Variants in ARHGAP5 observed in about 807,000 individuals in gnomAD.
ARHGAP5 encodes the protein rho GTPase-activating protein 5.
Under a neutral mutation model 116.6 loss-of-function variants are expected in ARHGAP5, and 23 were observed. The observed-to-expected ratio is 0.20, with a 90% confidence interval of 0.14 to 0.28. The LOEUF (loss-of-function observed/expected upper bound fraction) is 0.28, where lower values mean the gene tolerates loss of function less well. Ranked by LOEUF, ARHGAP5 falls within the 10% of genes least tolerant of loss-of-function variation. The probability of loss-of-function intolerance (pLI) is 1.00; values close to 1 mark genes in which losing one functional copy is unlikely to be tolerated. For synonymous variants in ARHGAP5, 574 were observed against 602.0 expected, an observed-to-expected ratio of 0.95 and a Z score of 0.68; for missense variants, 1,405 against 1,774.8, an observed-to-expected ratio of 0.79 and a Z score of 3.74.
chr14:32,091,565 A>G lies in ARHGAP5; in HGVS notation c.896A>G (p.Asn299Ser). The G allele has an allele frequency of 6.2e-7, 1 of 1,612,086 alleles. No homozygotes were observed. The highest frequency in any genetic ancestry group is 1.3e-5 in the African/African-American group (1 of 74,890). Reference protein sequence around the residue: ...TWKTVSNKLKNHPDYEEYINL... With the variant: ...TWKTVSNKLKSHPDYEEYINL... ...AAAACTGTTAGTAATAAATTAAAAA[A>G]TCATCCTGATTATGAAGAATACATC... Residue 299 changes from asparagine to serine, a missense_variant, in exon 2 of 7, where the codon AAT becomes AGT. By Grantham distance (46) the Asn-to-Ser change is conservative (BLOSUM62 1). Around this residue, in one of 6 missense-constraint regions of ARHGAP5, gnomAD observed 944 missense variants for 1,095.3 expected, o/e 0.86. Transcript: ENST00000345122.
rs368400628 is a variant in ARHGAP5, at chr14:32,122,822, A to G, written c.3865+5535A>G. On this transcript the variant is annotated intron_variant, in intron 3 of 6. Coordinates refer to ENST00000345122, the MANE Select transcript of ARHGAP5 (RefSeq NM_001030055.2). The stretch of plus-strand genomic sequence containing the variant: ...CAAAATCAGTTGACCATAAATGTGA[A>G]GGTTTATTTCTGGACTCATATTCTA... 5.8e-4 allele frequency among the ~76,000 whole-genome samples: 88 copies of G among 152,300 alleles called. 2 individuals are homozygous for G. The South Asian group carries it at 0.017, about 29-fold the overall frequency.
At chr14:32,080,743 G>A (rs2041763699) in intron 1 of ARHGAP5, among the ~76,000 whole-genome samples, 1 of 152,042 alleles carries the variant, frequency 6.6e-6, no homozygotes, top group Non-Finnish European at 1.5e-5. Flanking sequence ...TTGCAAGCAG[G>A]AGTTTAGATG....
intron 1 of ARHGAP5, among the ~76,000 whole-genome samples, chr14:32,086,587 C>T (rs1388000822): frequency 6.6e-6 from 1 of 150,714 alleles, no homozygotes; most frequent in Non-Finnish European, 1.5e-5. Context: ...AATTTAAAAG[C>T]ATAAAATATT....
At position 32,091,038 on chromosome 14, in the gene ARHGAP5, A is replaced by G; in HGVS notation, c.369A>G (p.Lys123=). ...QPYIKRAAAS[K]LQSAEKLMYI... ...ATATAAAACGTGCAGCTGCATCTAA[A>G]TTGCAGTCAGCAGAAAAACTAATGT... The change falls in exon 2 of 7, where the codon AAA becomes AAG. Residue 123 remains lysine, a synonymous_variant. Coordinates refer to ENST00000345122, the MANE Select transcript of ARHGAP5 (RefSeq NM_001030055.2). 6.2e-7 allele frequency: 1 copy of G among 1,613,678 alleles called. No homozygotes were observed. Among genetic ancestry groups the G allele is most frequent in the Non-Finnish European group, 8.5e-7 (1 of 1,179,676 alleles).
At chr14:32,153,296 C>G (rs2139154065) in intron 6 of ARHGAP5, among the ~76,000 whole-genome samples, 1 of 148,798 alleles carries the variant, frequency 6.7e-6, no homozygotes, top group Admixed American at 6.7e-5. Flanking sequence ...ATCCTAGCTA[C>G]TCAGGAGGCT....
intron 4 of ARHGAP5, among the ~76,000 whole-genome samples, chr14:32,147,852 C>T (rs535626648): frequency 1.0e-3 from 153 of 152,214 alleles, no homozygotes; most frequent in Non-Finnish European, 1.6e-3. Flanking sequence ...AGTCTAGTAT[C>T]CCATTTTTAA....
chr14:32,140,083 TTAGGTTATTTG>T (rs1881024711), intron 3 of ARHGAP5, among the ~76,000 whole-genome samples: 2 of 139,950 alleles, frequency 1.4e-5, no homozygotes, highest in African/African-American at 5.3e-5. Flanking sequence ...TTTTTTTTTT[TTAGGTTATTTG>T]TTCTTTTTTT....
intron 6 of ARHGAP5, chr14:32,154,295 CT>C (rs968597495): frequency 1.8e-5 from 4 of 217,128 alleles, no homozygotes; most frequent in African/African-American, 9.3e-5. Flanking sequence ...GAATTACAGG[CT>C]TTGTCACTAC....
At chr14:32,130,733 A>G (rs995591789) in intron 3 of ARHGAP5, among the ~76,000 whole-genome samples, 1 of 148,698 alleles carries the variant, frequency 6.7e-6, no homozygotes, top group Non-Finnish European at 1.5e-5. Context: ...GGATTTCACC[A>G]TATTGGCCAG....
chr14:32,124,828 T>C (rs1010391101), intron 3 of ARHGAP5, among the ~76,000 whole-genome samples: 11 of 152,156 alleles, frequency 7.2e-5, no homozygotes, highest in Admixed American at 6.5e-4. Context: ...TAGATATTAA[T>C]GTAAACTATA....
At chr14:32,116,626 G>T (rs1248101920) in intron 2 of ARHGAP5, among the ~76,000 whole-genome samples, 1 of 152,122 alleles carries the variant, frequency 6.6e-6, no homozygotes, top group East Asian at 1.9e-4. Flanking sequence ...AAAATAAAAA[G>T]CATCAGTAGG....
At chr14:32,147,407 T>C (rs1881427197) in intron 4 of ARHGAP5, among the ~76,000 whole-genome samples, 1 of 152,222 alleles carries the variant, frequency 6.6e-6, no homozygotes, top group African/African-American at 2.4e-5. Flanking sequence ...AAAATATGCT[T>C]AGCCTCTATT....
intron 3 of ARHGAP5, among the ~76,000 whole-genome samples, chr14:32,144,164 C>G (rs1272736482): frequency 6.6e-6 from 1 of 151,968 alleles, no homozygotes; most frequent in African/African-American, 2.4e-5. Flanking sequence ...GGGAACGTGT[C>G]AATGAGGAAG....
intron 3 of ARHGAP5, among the ~76,000 whole-genome samples, chr14:32,144,528 GGCT>G (rs1206583776): frequency 6.6e-6 from 1 of 151,822 alleles, no homozygotes; most frequent in Non-Finnish European, 1.5e-5. Context: ...CTGTCGCCGA[GGCT>G]GGAGTGCAGT....
intron 2 of ARHGAP5, among the ~76,000 whole-genome samples, chr14:32,112,391 A>G (rs1226670641): frequency 6.6e-6 from 1 of 152,180 alleles, no homozygotes; most frequent in Non-Finnish European, 1.5e-5. Context: ...CTTCCTAGTC[A>G]TGTTTACGTA....
chr14:32,148,916 CCAA>C lies in ARHGAP5; in HGVS notation c.3944-984_3944-982del, dbSNP rs770837585. On this transcript the variant is annotated intron_variant, in intron 4 of 6. Coordinates refer to ENST00000345122, the MANE Select transcript of ARHGAP5 (RefSeq NM_001030055.2). ...CTTGATTTTTTTAGTCGGAACTTCA[CCAA>C]CTACTTAAATTTAAACCATTTTACA... 3.9e-4 allele frequency among the ~76,000 whole-genome samples: 60 copies of C among 152,162 alleles called. 1 individual carries two copies. The highest frequency in any genetic ancestry group is 6.8e-3 in the Middle Eastern group (2 of 294).
chr14:32,121,780 T>C (rs905069825), intron 3 of ARHGAP5, among the ~76,000 whole-genome samples: 2 of 152,210 alleles, frequency 1.3e-5, no homozygotes, highest in Admixed American at 1.3e-4. Flanking sequence ...CCCCATCAAC[T>C]TTCTGCCTTT....
rs150293728 is a variant in ARHGAP5 at position 32,092,758 on chromosome 14, A to G, written c.2089A>G (p.Thr697Ala). ...TAAATACATGGCTAATCTTCCATTTACATTAATTCTGGCTAATCAGAGAGA... is the reference window on the plus strand; with the variant it reads ...TAAATACATGGCTAATCTTCCATTTGCATTAATTCTGGCTAATCAGAGAGA... ...KDKYMANLPFTLILANQRDSI... is the reference protein window; with the variant it reads ...KDKYMANLPFALILANQRDSI... The change falls in exon 2 of 7, where the codon ACA becomes GCA. Residue 697 changes from threonine to alanine, a missense_variant. By Grantham distance (58) the Thr-to-Ala change is moderately conservative. Transcript: ENST00000345122. The surrounding 1 kb of genome is among the most constrained non-coding windows in gnomAD (Gnocchi z 4.1). 10 of 1,613,760 alleles carry G rather than the reference A, an allele frequency of 6.2e-6. No homozygotes were observed. The African/African-American group carries it at 1.2e-4, about 19-fold the overall frequency.
chr14:32,093,952 A>G lies in ARHGAP5; in HGVS notation c.3283A>G (p.Ile1095Val). 1.2e-6 allele frequency: 2 copies of G among 1,613,980 alleles called. No individual in the cohort carries two copies. The highest frequency in any genetic ancestry group is 1.7e-6 in the Non-Finnish European group (2 of 1,179,976). ...TCCTTCAGATAACTATGCGGAACCC[A>G]TTGATACAATTTTCAAACAGAAGGG... ...MDPSDNYAEPIDTIFKQKGYS... is the reference protein window; with the variant it reads ...MDPSDNYAEPVDTIFKQKGYS... Residue 1095 changes from isoleucine to valine, a missense_variant, in exon 2 of 7, where the codon ATT (isoleucine) becomes GTT (valine). Ile to Val is a conservative substitution (Grantham distance 29). This residue lies in a region of ARHGAP5 where 944 missense variants were observed against 1,095.3 expected (regional missense o/e 0.86). Transcript: ENST00000345122.
Sources: gnomAD v4.1 joint callset for allele counts (sites outside exome capture counted in the v4.1 genomes callset) on GRCh38, gnomAD v4.1.1 for gene constraint, gnomAD v4.1.1 regional missense constraint, Gnocchi (gnomAD v3.1) non-coding constraint, MANE v1.5 for transcripts, NCBI Gene and HGNC (gene_info 2026-07-23, HGNC 2026-07-21) for gene names.